MEMO1: variants seen among roughly 807,000 people sequenced by gnomAD.
The protein encoded by MEMO1 is mediator of cell motility 1.
MEMO1 carries 6 observed loss-of-function variants against 45.2 expected under a neutral mutation model. The ratio of observed to expected loss-of-function variants is 0.13; its 90% CI spans 0.07 to 0.26. The LOEUF is 0.26. Among genes scored for constraint, MEMO1 ranks in the 10% least tolerant of loss-of-function variants. The probability of loss-of-function intolerance (pLI) is 1.00; values close to 1 mark genes in which losing one functional copy is unlikely to be tolerated. For synonymous variants in MEMO1, 78 were observed against 124.3 expected (o/e 0.63, Z 2.48); for missense variants, 184 against 370.5 (o/e 0.50, Z 4.13).
intron 6 of MEMO1, among the ~76,000 whole-genome samples, chr2:31,911,954 AATTT>A: frequency 6.6e-6 from 1 of 152,230 alleles, no homozygotes; most frequent in East Asian, 1.9e-4. Context: ...TAATGCTGTT[AATTT>A]TGGAAGATAC....
intron 2 of MEMO1, 127 bp downstream of exon 2, chr2:32,010,060 C>T (rs1014077701): frequency 1.7e-5 from 5 of 286,554 alleles, no homozygotes; most frequent in East Asian, 1.8e-4. Context: ...GCGGTCCGCG[C>T]CCGGCGGCCC....
At chr2:32,000,560 T>C (rs1673167318) in intron 2 of MEMO1, among the ~76,000 whole-genome samples, 3 of 150,776 alleles carry the variant, frequency 2.0e-5, no homozygotes, top group African/African-American at 7.3e-5. Flanking sequence ...AAGACAGGGT[T>C]TCATCATGTT....
chr2:31,952,751 A>T (rs1666978865), intron 2 of MEMO1, among the ~76,000 whole-genome samples: 1 of 152,210 alleles, frequency 6.6e-6, no homozygotes, highest in African/African-American at 2.4e-5. Context: ...CAGTACAGAA[A>T]ATTTGAGGAA....
chr2:31,971,137 T>C (rs943338405), intron 2 of MEMO1, among the ~76,000 whole-genome samples: 3 of 152,254 alleles, frequency 2.0e-5, no homozygotes, highest in Admixed American at 2.0e-4. Context: ...GATGCATTCA[T>C]ATGGATCTCT....
chr2:31,969,349 C>CAT (rs557116880), intron 2 of MEMO1, among the ~76,000 whole-genome samples: 8 of 143,240 alleles, frequency 5.6e-5, no homozygotes, highest in Non-Finnish European at 1.2e-4. Context: ...ACACATTATA[C>CAT]ATATATATGT....
At chr2:31,960,465 C>T (rs990033083) in intron 2 of MEMO1, among the ~76,000 whole-genome samples, 1 of 151,910 alleles carries the variant, frequency 6.6e-6, no homozygotes, top group Non-Finnish European at 1.5e-5. Context: ...TACACTGTAC[C>T]CTGCTAACAC....
intron 2 of MEMO1, among the ~76,000 whole-genome samples, chr2:31,994,845 G>T (rs901685349): frequency 6.6e-6 from 1 of 152,042 alleles, no homozygotes; most frequent in Non-Finnish European, 1.5e-5. Flanking sequence ...CTACTCAGAA[G>T]GCTGAGGCAG....
chr2:31,969,382 T>C (rs1375731315), intron 2 of MEMO1, among the ~76,000 whole-genome samples: 6 of 149,974 alleles, frequency 4.0e-5, no homozygotes, highest in Non-Finnish European at 7.4e-5. Flanking sequence ...TATACACATG[T>C]GTATATATAT....
At chr2:31,974,526 C>A (rs1020742621) in intron 2 of MEMO1, among the ~76,000 whole-genome samples, 1 of 152,126 alleles carries the variant, frequency 6.6e-6, no homozygotes, top group Non-Finnish European at 1.5e-5. Flanking sequence ...GCAGGTGGAT[C>A]ACGAGGTCAA....
At chr2:31,899,108 C>T (rs541852667) in intron 6 of MEMO1, among the ~76,000 whole-genome samples, 198 of 152,272 alleles carry the variant, frequency 1.3e-3, no homozygotes, top group African/African-American at 4.5e-3. Flanking sequence ...CAGCCCACCG[C>T]CCAAAGTAAG....
At chr2:31,898,636 G>A (rs1678256159) in intron 6 of MEMO1, among the ~76,000 whole-genome samples, 1 of 152,140 alleles carries the variant, frequency 6.6e-6, no homozygotes, top group Admixed American at 6.6e-5. Context: ...TTCCAATTAT[G>A]TGGTCAATTT....
At chr2:31,946,298 T>C (rs1260043137) in intron 2 of MEMO1, among the ~76,000 whole-genome samples, 5 of 152,296 alleles carry the variant, frequency 3.3e-5, no homozygotes, top group African/African-American at 1.2e-4. Flanking sequence ...AAATTAAGCA[T>C]CTACTGTCCT....
At chr2:31,929,858 A>G (rs1488876371) in intron 4 of MEMO1, among the ~76,000 whole-genome samples, 4 of 152,218 alleles carry the variant, frequency 2.6e-5, no homozygotes, top group African/African-American at 9.7e-5. Flanking sequence ...ATTCCCAGAG[A>G]GTGCCTCTTT....
intron 8 of MEMO1, among the ~76,000 whole-genome samples, chr2:31,871,343 T>C (rs1049831868): frequency 6.6e-6 from 1 of 152,180 alleles, no homozygotes; most frequent in Admixed American, 6.5e-5. Flanking sequence ...AGTAATCAGA[T>C]AAACATCTGT....
chr2:31,992,978 G>T (rs115250577), intron 2 of MEMO1, among the ~76,000 whole-genome samples: 10 of 152,072 alleles, frequency 6.6e-5, no homozygotes, highest in Non-Finnish European at 1.3e-4. Context: ...TGGGATACTG[G>T]GAAAAAAATG....
intron 2 of MEMO1, among the ~76,000 whole-genome samples, chr2:31,967,129 T>A (rs950426338): frequency 6.4e-4 from 97 of 151,392 alleles, no homozygotes; most frequent in African/African-American, 2.1e-3. Flanking sequence ...ATTTTATTTT[T>A]TTTTTTTTTT....
chr2:31,908,991 C>T (rs1572645326), intron 6 of MEMO1, among the ~76,000 whole-genome samples: 2 of 152,212 alleles, frequency 1.3e-5, no homozygotes, highest in East Asian at 3.9e-4. Context: ...CTCTCCTCAT[C>T]TTACCACTAC....
intron 2 of MEMO1, among the ~76,000 whole-genome samples, chr2:31,977,766 C>G (rs1489173167): frequency 6.6e-6 from 1 of 152,130 alleles, no homozygotes; most frequent in Non-Finnish European, 1.5e-5. Flanking sequence ...CTCTTGACCT[C>G]AAATGATTCA....
chr2:31,924,506 T>C (rs150758572), intron 4 of MEMO1, among the ~76,000 whole-genome samples: 1 of 152,082 alleles, frequency 6.6e-6, no homozygotes, highest in African/African-American at 2.4e-5. Flanking sequence ...TCAGTAGGCA[T>C]TCTCTTAGAA....
Sources: gnomAD v4.1 joint callset for allele counts (sites outside exome capture counted in the v4.1 genomes callset) on GRCh38, gnomAD v4.1.1 for gene constraint, MANE v1.5 for transcripts, NCBI Gene and HGNC (gene_info 2026-07-23, HGNC 2026-07-21) for gene names.